WRN: variants seen among roughly 807,000 people sequenced by gnomAD.
WRN encodes WRN RecQ like helicase, also known as bifunctional 3'-5' exonuclease/ATP-dependent helicase WRN.
WRN carries 149 observed loss-of-function variants against 180.7 expected under a neutral mutation model. The observed-to-expected ratio is 0.82, with a 90% CI of 0.72 to 0.94. WRN has a LOEUF of 0.94. Among genes scored for constraint, WRN ranks in the 40% least tolerant of loss-of-function variants. WRN has a pLI of 0.00. For synonymous variants in WRN, 548 were observed against 568.9 expected (o/e 0.96, Z 0.52); for missense variants, 1,661 against 1,700.1 (o/e 0.98, Z 0.40).
intron 28 of WRN, among the ~76,000 whole-genome samples, chr8:31,146,355 A>G (rs771954573): frequency 3.0e-4 from 45 of 151,412 alleles, no homozygotes; most frequent in Non-Finnish European, 5.7e-4. Flanking sequence ...TTATATACAC[A>G]CTACTAACCC....
chr8:31,154,551 C>T, intron 31 of WRN, 73 bp from the exon 32 acceptor site: 2 of 1,491,634 alleles, frequency 1.3e-6, no homozygotes, highest in Admixed American at 2.1e-5. Context: ...TTCTTAATGG[C>T]TAATTATCAT....
chr8:31,065,164 T>G, intron 5 of WRN, 101 bp downstream of exon 5: 5 of 1,233,140 alleles, frequency 4.1e-6, no homozygotes, highest in Non-Finnish European at 5.7e-6. Flanking sequence ...AAAAAGCTTG[T>G]TATATAATGT....
rs1801323239 is a variant in WRN at position 31,111,685 on chromosome 8, T to G, written c.2159T>G (p.Leu720Arg). ...IREDIVRCLN[L>R]RNPQITCTGF... ...GAAGACATTGTACGTTGCTTAAATC[T>G]GAGAAATCCTCAGATCACCTGTACT... Residue 720 changes from leucine to arginine, a missense_variant, in exon 19 of 35, where the codon CTG becomes CGG. Physicochemically the swap from Leu to Arg is moderately radical, Grantham distance 102. This residue lies in a region of WRN where 1,141 missense variants were observed against 1,149.4 expected (regional missense o/e 0.99). Transcript: ENST00000298139. 6.2e-7 allele frequency: 1 copy of G among 1,614,106 alleles called. No individual in the cohort carries two copies.
chr8:31,166,274 G>A (rs1343949381), intron 33 of WRN, among the ~76,000 whole-genome samples: 1 of 152,096 alleles, frequency 6.6e-6, no homozygotes, highest in Non-Finnish European at 1.5e-5. Context: ...GTTCTAAACT[G>A]CTTGGGTTTA....
intron 33 of WRN, among the ~76,000 whole-genome samples, chr8:31,165,041 A>C (rs1453548325): frequency 6.6e-6 from 1 of 152,112 alleles, no homozygotes; most frequent in Non-Finnish European, 1.5e-5. Flanking sequence ...ATTTAACTTT[A>C]AATCATTAAT....
At chr8:31,044,849 T>C (rs1811799555) in intron 1 of WRN, among the ~76,000 whole-genome samples, 1 of 152,234 alleles carries the variant, frequency 6.6e-6, no homozygotes. Flanking sequence ...CTGCTTCCCA[T>C]ATTTTTGCTT....
intron 34 of WRN, among the ~76,000 whole-genome samples, chr8:31,171,811 A>C (rs1343504810): frequency 5.3e-5 from 8 of 152,220 alleles, no homozygotes. Flanking sequence ...CAAACATAGC[A>C]AGCAGCTGAT....
chr8:31,064,234 T>C, intron 3 of WRN, 55 bp from the exon 4 acceptor site: 3 of 1,602,826 alleles, frequency 1.9e-6, no homozygotes, highest in South Asian at 1.1e-5. Flanking sequence ...TCTTTAGTTA[T>C]GCAGAAGTTT....
intron 33 of WRN, among the ~76,000 whole-genome samples, chr8:31,166,255 A>C (rs1479460698): frequency 6.6e-6 from 1 of 152,140 alleles, no homozygotes; most frequent in East Asian, 1.9e-4. Flanking sequence ...GGTGAAGATG[A>C]GTGAGTAGGT....
intron 31 of WRN, among the ~76,000 whole-genome samples, chr8:31,153,539 G>C (rs533745884): frequency 6.6e-6 from 1 of 152,280 alleles, no homozygotes; most frequent in African/African-American, 2.4e-5. Context: ...TCCACTGCTA[G>C]GGTTATTTGA....
intron 1 of WRN, among the ~76,000 whole-genome samples, chr8:31,049,511 CAAAA>C (rs754805498): frequency 2.5e-5 from 2 of 78,774 alleles, no homozygotes; most frequent in Admixed American, 2.9e-4. Flanking sequence ...GACTCTGTCT[CAAAA>C]AAAAAAAAAA....
At chr8:31,049,571 A>G (rs942707826) in intron 1 of WRN, among the ~76,000 whole-genome samples, 3 of 151,640 alleles carry the variant, frequency 2.0e-5, no homozygotes, top group Non-Finnish European at 4.4e-5. Context: ...GTGAGGTCCA[A>G]TGGGTCAGAA....
At chr8:31,119,443 A>G (rs1323745216) in intron 20 of WRN, among the ~76,000 whole-genome samples, 1 of 151,884 alleles carries the variant, frequency 6.6e-6, no homozygotes, top group Non-Finnish European at 1.5e-5. Context: ...GGCATTATTT[A>G]TCGACTCTTC....
chr8:31,136,607 G>A (rs1173576519), intron 24 of WRN, among the ~76,000 whole-genome samples: 6 of 152,084 alleles, frequency 3.9e-5, no homozygotes, highest in East Asian at 1.9e-4. Context: ...AAGCCGAGGT[G>A]GGGGGATTGC....
intron 30 of WRN, 116 bp from the exon 31 acceptor site, chr8:31,150,225 T>C: frequency 1.2e-6 from 1 of 841,420 alleles, no homozygotes; most frequent in East Asian, 2.6e-5. Context: ...TTGGAAAAAC[T>C]ATACATTTAT....
intron 10 of WRN, among the ~76,000 whole-genome samples, chr8:31,084,288 C>G (rs942535102): frequency 6.6e-6 from 1 of 152,140 alleles, no homozygotes; most frequent in African/African-American, 2.4e-5. Flanking sequence ...TGTGAGCCAC[C>G]ACACCTGGCC....
At chr8:31,148,780 A>T (rs990709626) in intron 30 of WRN, among the ~76,000 whole-genome samples, 2 of 152,222 alleles carry the variant, frequency 1.3e-5, no homozygotes. Flanking sequence ...ACACAATGCT[A>T]TATTTTATTT....
chr8:31,137,612 T>G (rs1198786730), intron 24 of WRN, among the ~76,000 whole-genome samples: 6 of 152,152 alleles, frequency 3.9e-5, no homozygotes. Flanking sequence ...GGCTCTGTCC[T>G]GGTTATGGAC....
At chr8:31,138,747 AATTCT>A (rs753901612) in intron 24 of WRN, among the ~76,000 whole-genome samples, 1 of 152,186 alleles carries the variant, frequency 6.6e-6, no homozygotes, top group Non-Finnish European at 1.5e-5. Flanking sequence ...GCTATTAAAA[AATTCT>A]ATTCTATTTT....
Sources: allele counts gnomAD v4.1 joint callset (sites outside exome capture counted in the v4.1 genomes callset), GRCh38; gene constraint gnomAD v4.1.1; regional missense constraint gnomAD v4.1.1; transcripts MANE v1.5; gene names NCBI Gene and HGNC (gene_info 2026-07-23, HGNC 2026-07-21).